The following PARD3B variants were observed in gnomAD, a reference collection of about 807,000 sequenced individuals.
PARD3B encodes the protein par-3 family cell polarity regulator beta, also known as partitioning defective 3 homolog B.
In PARD3B, 103 loss-of-function variants were observed where a neutral mutation model predicts 130.2. The observed-to-expected ratio is 0.79, with a 90% CI of 0.67 to 0.93. The LOEUF (loss-of-function observed/expected upper bound fraction) is 0.93, where lower values mean the gene tolerates loss of function less well. Among genes scored for constraint, PARD3B ranks in the 40% least tolerant of loss-of-function variants. The probability of loss-of-function intolerance (pLI) is 0.00; values close to 1 mark genes in which losing one functional copy is unlikely to be tolerated. For missense variants in PARD3B, 1,609 were observed against 1,499.2 expected (o/e 1.07, Z -1.21); for synonymous variants, 583 against 553.2 (o/e 1.05, Z -0.76).
chr2:204,876,366 G>A (rs1338493224), intron 2 of PARD3B, among the ~76,000 whole-genome samples: 1 of 152,110 alleles, frequency 6.6e-6, no homozygotes, highest in Non-Finnish European at 1.5e-5. Context: ...GGCTAGAAAG[G>A]ACATTTTTGT....
chr2:204,780,078 AT>A (rs1160093118), intron 2 of PARD3B, among the ~76,000 whole-genome samples: 3 of 152,200 alleles, frequency 2.0e-5, no homozygotes, highest in African/African-American at 4.8e-5. Context: ...AGACATTTAT[AT>A]TAGTAAAACT....
intron 21 of PARD3B, among the ~76,000 whole-genome samples, chr2:205,543,563 C>T (rs887340598): frequency 1.3e-5 from 2 of 152,168 alleles, no homozygotes; most frequent in Non-Finnish European, 2.9e-5. Context: ...TGCCAACATA[C>T]GAGCAGCATT....
At chr2:205,605,723 G>A (rs2054968690) in intron 22 of PARD3B, among the ~76,000 whole-genome samples, 1 of 152,202 alleles carries the variant, frequency 6.6e-6, no homozygotes, top group Non-Finnish European at 1.5e-5. Context: ...ACCCAGTCAG[G>A]AGGCACGGGA....
At chr2:205,039,543 C>T (rs954667492) in intron 3 of PARD3B, among the ~76,000 whole-genome samples, 1 of 152,090 alleles carries the variant, frequency 6.6e-6, no homozygotes, top group Non-Finnish European at 1.5e-5. Flanking sequence ...GATCTCAGCT[C>T]ACTGCAACCT....
chr2:204,725,659 G>T (rs948982316), intron 2 of PARD3B, among the ~76,000 whole-genome samples: 2 of 152,130 alleles, frequency 1.3e-5, no homozygotes, highest in Admixed American at 6.5e-5. Flanking sequence ...AAGGTTTTAT[G>T]CATGAGTGAG....
chr2:204,596,410 T>C (rs2033291015), intron 1 of PARD3B, among the ~76,000 whole-genome samples: 1 of 152,158 alleles, frequency 6.6e-6, no homozygotes, highest in Admixed American at 6.6e-5. Context: ...GCTTTCTGTG[T>C]AATAGTGGAG....
intron 2 of PARD3B, among the ~76,000 whole-genome samples, chr2:204,722,524 T>C (rs1330819031): frequency 6.6e-6 from 1 of 152,224 alleles, no homozygotes; most frequent in Non-Finnish European, 1.5e-5. Flanking sequence ...TCAATTTTTT[T>C]CCTTTTGTTG....
intron 21 of PARD3B, among the ~76,000 whole-genome samples, chr2:205,544,996 G>T (rs2052323277): frequency 6.6e-6 from 1 of 152,290 alleles, no homozygotes; most frequent in Non-Finnish European, 1.5e-5. Context: ...TTTTAAACTA[G>T]CAGATGTTCT....
At chr2:204,836,549 G>A (rs2044038867) in intron 2 of PARD3B, among the ~76,000 whole-genome samples, 2 of 152,154 alleles carry the variant, frequency 1.3e-5, no homozygotes, top group Non-Finnish European at 2.9e-5. Context: ...TGTAATCCCA[G>A]CTATTCAGGA....
rs964126883 is a variant in PARD3B, at chr2:205,431,220, G to A, written c.2742-9150G>A. On this transcript the variant is annotated intron_variant, in intron 19 of 22. Transcript: ENST00000406610. ...GCCTCCCAAGTAGCTGGGATTATAG[G>A]CATGTGCCACCACACCCTGCTAATT... is the stretch of plus-strand genomic sequence containing the variant. 4.6e-5 allele frequency among the ~76,000 whole-genome samples: 7 copies of A among 152,274 alleles called. No individual in the cohort carries two copies. In the South Asian group the frequency reaches 1.2e-3, roughly 27 times the overall value.
At position 205,463,425 on chromosome 2, in the gene PARD3B, C is replaced by T. The variant is rs2048517473; in HGVS notation, c.3044+22753C>T. 7.3e-6 allele frequency among the ~76,000 whole-genome samples: 1 copy of T among 136,098 alleles called. No individual in the cohort carries two copies. The highest frequency in any genetic ancestry group is 2.3e-4 in the South Asian group (1 of 4,398). 89.3% of individuals were successfully genotyped at this position (136,098 alleles called of 152,430 possible). On this transcript the variant is annotated intron_variant, in intron 20 of 22. Transcript: ENST00000406610. The surrounding 1 kb of genome is among the most constrained non-coding windows in gnomAD (Gnocchi z 4.8). The stretch of plus-strand genomic sequence containing the variant: ...TGATGTTAGTGTTAACATTTCACTG[C>T]ACATTAATTCTTTAAAAAAAAAAAA...
At chr2:204,945,447 G>T (rs1392982267) in intron 2 of PARD3B, among the ~76,000 whole-genome samples, 1 of 152,172 alleles carries the variant, frequency 6.6e-6, no homozygotes, top group Non-Finnish European at 1.5e-5. Context: ...CAAAGGGAAA[G>T]CTTCTCATCT....
chr2:205,343,711 C>T lies in PARD3B; in HGVS notation c.2630+42010C>T, dbSNP rs185668483. Among the ~76,000 whole-genome samples, 19 of 152,266 alleles carry T rather than the reference C, an allele frequency of 1.2e-4. 1 individual carries two copies. In the East Asian group the frequency reaches 3.5e-3, roughly 28 times the overall value. On this transcript the variant is annotated intron_variant, in intron 18 of 22. Transcript: ENST00000406610. Reference sequence around the variant, plus strand: ...CCTGGCTCACAGCTGTGGAGAACAGCGTGCTTGTGTCTGAGCCTCCTGACG... The same window carrying T: ...CCTGGCTCACAGCTGTGGAGAACAGTGTGCTTGTGTCTGAGCCTCCTGACG...
intron 3 of PARD3B, among the ~76,000 whole-genome samples, chr2:205,020,938 C>T (rs756525920): frequency 4.6e-5 from 7 of 152,080 alleles, no homozygotes; most frequent in East Asian, 1.9e-4. Flanking sequence ...AGTGAGATCC[C>T]GCTAGAGGCC....
chr2:204,692,685 A>G (rs2037412186), intron 2 of PARD3B, among the ~76,000 whole-genome samples: 1 of 152,084 alleles, frequency 6.6e-6, no homozygotes, highest in South Asian at 2.1e-4. Context: ...TTGATGTTAT[A>G]AAAGCACAAA....
chr2:204,930,191 T>C lies in PARD3B; in HGVS notation c.223-34961T>C, dbSNP rs781202622. ...TATTCTTAAAAAACCCTGTGTTCAT[T>C]TACATTCTATGTTTTTTTTTTCCTT... is the stretch of plus-strand genomic sequence containing the variant. On this transcript the variant is annotated intron_variant, in intron 2 of 22. Transcript: ENST00000406610. Among the ~76,000 whole-genome samples the C allele has an allele frequency of 2.6e-4, 39 of 152,086 alleles. 1 individual carries two copies. The highest frequency in any genetic ancestry group is 9.4e-4 in the African/African-American group (39 of 41,550).
chr2:204,918,815 G>C (rs911340465), intron 2 of PARD3B, among the ~76,000 whole-genome samples: 11 of 151,728 alleles, frequency 7.2e-5, no homozygotes, highest in Non-Finnish European at 1.2e-4. Flanking sequence ...GTAATGTTTA[G>C]CCATTGCCCA....
At chr2:205,216,294 G>A (rs181744156) in intron 15 of PARD3B, among the ~76,000 whole-genome samples, 43 of 152,232 alleles carry the variant, frequency 2.8e-4, no homozygotes, top group African/African-American at 1.0e-3. Context: ...TACGTGTTAT[G>A]ATGTTCACAC....
intron 2 of PARD3B, among the ~76,000 whole-genome samples, chr2:204,881,029 A>G (rs1344425086): frequency 2.0e-5 from 3 of 152,222 alleles, no homozygotes; most frequent in Non-Finnish European, 4.4e-5. Flanking sequence ...GAAAATTTCT[A>G]TGAAACTTCT....
Sources: allele counts gnomAD v4.1 joint callset (sites outside exome capture counted in the v4.1 genomes callset), GRCh38; gene constraint gnomAD v4.1.1; non-coding constraint Gnocchi (gnomAD v3.1); transcripts MANE v1.5; gene names NCBI Gene and HGNC (gene_info 2026-07-23, HGNC 2026-07-21).